The following CDH2 variants were observed in gnomAD, a reference collection of about 807,000 sequenced individuals.
CDH2 encodes cadherin-2.
In CDH2, 17 loss-of-function variants were observed where a neutral mutation model predicts 92.0. That is an observed-to-expected ratio of 0.18 (90% CI 0.13 to 0.28). The LOEUF is 0.28. Ranked by LOEUF, CDH2 falls within the 10% of genes least tolerant of loss-of-function variation. The pLI, the probability that CDH2 is intolerant of heterozygous loss-of-function variation, is 1.00. For missense variants in CDH2, 862 were observed against 1,133.1 expected (o/e 0.76, Z 3.44); for synonymous variants, 419 against 415.9 (o/e 1.01, Z -0.09).
intron 6 of CDH2, among the ~76,000 whole-genome samples, chr18:28,004,899 A>T (rs1159660816): frequency 6.6e-6 from 1 of 152,162 alleles, no homozygotes; most frequent in Admixed American, 6.5e-5. Flanking sequence ...AAGAAAATGT[A>T]TGTGTTTGAG....
chr18:27,976,439 G>C (rs2011832650), intron 14 of CDH2, among the ~76,000 whole-genome samples: 1 of 152,184 alleles, frequency 6.6e-6, no homozygotes, highest in Non-Finnish European at 1.5e-5. Flanking sequence ...TTCCAGTTCT[G>C]CTTCAAGGAT....
At chr18:27,982,123 T>C (rs1253438483) in intron 14 of CDH2, among the ~76,000 whole-genome samples, 1 of 152,152 alleles carries the variant, frequency 6.6e-6, no homozygotes, top group Non-Finnish European at 1.5e-5. Context: ...TTCACAGTAC[T>C]AGTATCACAA....
intron 10 of CDH2, 148 bp from the exon 11 acceptor site, chr18:27,988,814 T>C: frequency 1.6e-6 from 1 of 638,572 alleles, no homozygotes; most frequent in South Asian, 2.0e-5. Flanking sequence ...AAAAGTATTT[T>C]TGTGACAGTG....
At chr18:28,034,648 C>T (rs1485305190) in intron 2 of CDH2, among the ~76,000 whole-genome samples, 3 of 151,112 alleles carry the variant, frequency 2.0e-5, no homozygotes, top group African/African-American at 4.9e-5. Context: ...TGCTAAAGTT[C>T]GTATGTCATC....
rs202232735 is a variant in CDH2, at chr18:27,993,575, G to C, written c.1083C>G (p.Gly361=). ...TGACGGCCGTGGCTGTGTTTGAAAGGCCATATGTGGGATTGCCTTCCATGT... is the reference window on the plus strand; with the variant it reads ...TGACGGCCGTGGCTGTGTTTGAAAGCCCATATGTGGGATTGCCTTCCATGT... ...ATDMEGNPTY[G]LSNTATAVIT... is the part of the protein sequence containing the mutation. Residue 361 remains glycine (G), a synonymous_variant, in exon 8 of 16, where the codon GGC becomes GGG. Coordinates refer to ENST00000269141, the MANE Select transcript of CDH2 (RefSeq NM_001792.5). The C allele has an allele frequency of 1.2e-6, 2 of 1,613,806 alleles. No individual in the cohort carries two copies. Among genetic ancestry groups the C allele is most frequent in the Admixed American group, 1.7e-5 (1 of 60,020 alleles).
intron 1 of CDH2, among the ~76,000 whole-genome samples, chr18:28,158,262 C>T (rs573492538): frequency 2.4e-4 from 37 of 152,200 alleles, no homozygotes; most frequent in Non-Finnish European, 4.6e-4. Flanking sequence ...AGGCATAACG[C>T]CAGAGTTCAA....
intron 6 of CDH2, among the ~76,000 whole-genome samples, chr18:27,933,185 T>C (rs190955454): frequency 6.6e-6 from 1 of 152,242 alleles, no homozygotes; most frequent in African/African-American, 2.4e-5. Context: ...GATTAACACA[T>C]ACCATTAAAC....
rs527735319 is a variant in CDH2, at chr18:28,014,979, C to T, written c.173-1070G>A. On this transcript the variant is annotated intron_variant, in intron 2 of 15. Transcript: ENST00000269141. ...AAAATGATTTTTTTATTTCTGTAAACGTCTGATGTTATGTTCTGGCTATAA... is the reference window on the plus strand; with the variant it reads ...AAAATGATTTTTTTATTTCTGTAAATGTCTGATGTTATGTTCTGGCTATAA... 1.3e-4 allele frequency among the ~76,000 whole-genome samples: 20 copies of T among 152,126 alleles called. 1 individual carries two copies. Among genetic ancestry groups the T allele is most frequent in the African/African-American group, 3.6e-4 (15 of 41,498 alleles).
At chr18:28,011,179 G>C (rs771458090) in intron 4 of CDH2, among the ~76,000 whole-genome samples, 1 of 151,836 alleles carries the variant, frequency 6.6e-6, no homozygotes, top group Admixed American at 6.6e-5. Context: ...TAATAAGTGG[G>C]AATACAGCAG....
intron 13 of CDH2, 55 bp from the exon 14 acceptor site, chr18:27,983,138 AT>A: frequency 7.1e-7 from 1 of 1,406,292 alleles, no homozygotes; most frequent in Non-Finnish European, 9.9e-7. Context: ...AGCCTGGCCT[AT>A]TTAGTCACAG....
chr18:27,934,153 A>G (rs1194304956), intron 6 of CDH2, among the ~76,000 whole-genome samples: 1 of 152,216 alleles, frequency 6.6e-6, no homozygotes, highest in Non-Finnish European at 1.5e-5. Context: ...CTTTACTTAT[A>G]TCAGTTGTGC....
At chr18:28,056,029 G>A (rs2014286060) in intron 2 of CDH2, among the ~76,000 whole-genome samples, 3 of 151,830 alleles carry the variant, frequency 2.0e-5, no homozygotes, top group Admixed American at 6.6e-5. Context: ...CCATATTCGG[G>A]GAAAGTAAAC....
downstream of CDH2, among the ~76,000 whole-genome samples, chr18:27,947,382 T>C (rs989382382): frequency 2.0e-5 from 3 of 151,782 alleles, no homozygotes; most frequent in African/African-American, 2.4e-5. Context: ...GAGAATATTA[T>C]AGTATTGGAT....
rs199712566 is a variant in CDH2, at chr18:27,985,072, C to G, written c.2137G>C (p.Asp713His). The G allele has an allele frequency of 4.2e-5, 67 of 1,614,164 alleles. No homozygotes were observed. The highest frequency in any genetic ancestry group is 3.3e-4 in the Middle Eastern group (2 of 6,062). The change falls in exon 13 of 16, where the codon GAC (aspartate) becomes CAC (histidine). Residue 713 changes from aspartate to histidine, a missense_variant. Physicochemically the swap from Asp to His is moderately conservative, Grantham distance 81. Coordinates refer to ENST00000269141, the MANE Select transcript of CDH2 (RefSeq NM_001792.5). ...CCAAGCCCCGCACCCACAATCCTGTCCACATCTGTGCAGTCCCCGTTGGAG... is the reference window on the plus strand; with the variant it reads ...CCAAGCCCCGCACCCACAATCCTGTGCACATCTGTGCAGTCCCCGTTGGAG... ...CDSNGDCTDV[D>H]RIVGAGLGTG... is the part of the protein sequence containing the mutation.
At chr18:27,972,954 A>G (rs967289570) in intron 14 of CDH2, among the ~76,000 whole-genome samples, 2 of 152,172 alleles carry the variant, frequency 1.3e-5, no homozygotes, top group Non-Finnish European at 2.9e-5. Flanking sequence ...GAATTAGGTG[A>G]AGAAATGGAC....
chr18:28,120,154 T>C (rs1323724966), intron 2 of CDH2, among the ~76,000 whole-genome samples: 4 of 152,078 alleles, frequency 2.6e-5, no homozygotes, highest in Non-Finnish European at 5.9e-5. Flanking sequence ...AAAACCACTA[T>C]GTCTAAATTA....
chr18:28,127,611 C>T (rs1408377279), intron 2 of CDH2, among the ~76,000 whole-genome samples: 2 of 151,936 alleles, frequency 1.3e-5, no homozygotes, highest in South Asian at 2.1e-4. Flanking sequence ...AGGCTGATTA[C>T]AATATAGCAA....
At chr18:28,033,343 C>T (rs1438739598) in intron 2 of CDH2, among the ~76,000 whole-genome samples, 1 of 151,948 alleles carries the variant, frequency 6.6e-6, no homozygotes, top group Non-Finnish European at 1.5e-5. Context: ...TTTTTATGGA[C>T]TAATGTCTTT....
At chr18:28,015,989 T>C (rs1243636163) in intron 2 of CDH2, among the ~76,000 whole-genome samples, 1 of 152,182 alleles carries the variant, frequency 6.6e-6, no homozygotes, top group Non-Finnish European at 1.5e-5. Flanking sequence ...CCCCACAGGC[T>C]CAAATTCTTA....
Sources: gnomAD v4.1 joint callset for allele counts (sites outside exome capture counted in the v4.1 genomes callset) on GRCh38, gnomAD v4.1.1 for gene constraint, MANE v1.5 for transcripts, NCBI Gene and HGNC (gene_info 2026-07-23, HGNC 2026-07-21) for gene names.